Variants in PTPN2 observed in about 807,000 individuals in gnomAD.
PTPN2 encodes protein tyrosine phosphatase non-receptor type 2.
Under a neutral mutation model 57.3 loss-of-function variants are expected in PTPN2, and 19 were observed. The ratio of observed to expected loss-of-function variants is 0.33; its 90% CI spans 0.23 to 0.49. The LOEUF (loss-of-function observed/expected upper bound fraction) is 0.49. Ranked by LOEUF, PTPN2 falls within the 20% of genes least tolerant of loss-of-function variation. The pLI is 0.99. For synonymous variants in PTPN2, 153 were observed against 164.9 expected (o/e 0.93, Z 0.55); for missense variants, 358 against 501.1 (o/e 0.71, Z 2.73).
intron 9 of PTPN2, chr18:12,786,977 T>G (rs1042685962): frequency 1.3e-5 from 2 of 152,250 alleles, no homozygotes; most frequent in Non-Finnish European, 2.9e-5. Context: ...GTACTTTGTA[T>G]TGATTCTGAG....
intron 3 of PTPN2, among the ~76,000 whole-genome samples, chr18:12,834,813 C>T (rs2042796094): frequency 6.6e-6 from 1 of 151,854 alleles, no homozygotes; most frequent in Non-Finnish European, 1.5e-5. Context: ...TGGAGAAGAA[C>T]AGTACAGAGG....
chr18:12,878,648 G>A (rs2044572206), intron 1 of PTPN2, among the ~76,000 whole-genome samples: 1 of 152,132 alleles, frequency 6.6e-6, no homozygotes, highest in South Asian at 2.1e-4. Context: ...CTCCAGCCTG[G>A]GGGACAGAGC....
chr18:12,842,818 GTCAGCAAGTAT>G (rs2043087664), intron 2 of PTPN2, among the ~76,000 whole-genome samples: 1 of 152,166 alleles, frequency 6.6e-6, no homozygotes, highest in African/African-American at 2.4e-5. Context: ...AACAATTTAA[GTCAGCAAGTAT>G]TCAAACATTG....
chr18:12,805,886 C>T (rs2847304), intron 7 of PTPN2, among the ~76,000 whole-genome samples: 1 of 151,830 alleles, frequency 6.6e-6, no homozygotes, highest in African/African-American at 2.4e-5. Context: ...TCTCAGCCCC[C>T]CAAAGTGCTG....
rs530108359 is a variant in PTPN2 at position 12,802,049 on chromosome 18, C to T, written c.961G>A (p.Glu321Lys). ...EKYNGNRIGL[E>K]EEKLTGDRCT... ...CGGTCACCTGTCAGTTTTTCTTCTT[C>T]TAGACCTATTCTGTTCCCATTGTAT... The change falls in exon 8 of 9, where the codon GAA becomes AAA. Residue 321 changes from glutamate to lysine, a missense_variant. Glu to Lys is a moderately conservative substitution (Grantham distance 56). This residue lies in a region of PTPN2 where 7 missense variants were observed against 26.9 expected (regional missense o/e 0.26). Transcript: ENST00000309660. 1.1e-5 allele frequency: 17 copies of T among 1,612,860 alleles called. No individual in the cohort carries two copies. In the South Asian group the frequency reaches 1.8e-4, roughly 17 times the overall value.
intron 3 of PTPN2, 43 bp from the exon 4 acceptor site, chr18:12,831,084 G>C: frequency 1.4e-6 from 2 of 1,389,124 alleles, no homozygotes; most frequent in Non-Finnish European, 2.0e-6. Flanking sequence ...GAAGCAGACA[G>C]AAAGAGCAAG....
At chr18:12,860,098 GC>G (rs1319022983) in intron 1 of PTPN2, among the ~76,000 whole-genome samples, 5 of 152,040 alleles carry the variant, frequency 3.3e-5, no homozygotes, top group Admixed American at 3.3e-4. Flanking sequence ...GACCAACCTG[GC>G]CAACAAAGCG....
chr18:12,874,366 C>T (rs1264652787), intron 1 of PTPN2, among the ~76,000 whole-genome samples: 3 of 141,902 alleles, frequency 2.1e-5, no homozygotes, highest in African/African-American at 5.3e-5. Context: ...TCTGCCCGGC[C>T]GCCCCTACTG....
chr18:12,816,770 G>C (rs964338105), intron 6 of PTPN2, among the ~76,000 whole-genome samples: 1 of 152,166 alleles, frequency 6.6e-6, no homozygotes, highest in Non-Finnish European at 1.5e-5. Context: ...GGAACCCTGT[G>C]AAGTATGTCT....
chr18:12,848,097 C>G (rs1015677430), intron 2 of PTPN2, among the ~76,000 whole-genome samples: 7 of 151,924 alleles, frequency 4.6e-5, no homozygotes, highest in African/African-American at 1.7e-4. Context: ...ATAATAGTTA[C>G]CATAAAATTT....
chr18:12,884,227 GCGGCGCATGCGCGCTGCGCGC>G, exon 1 of PTPN2: 1 of 1,016,194 alleles, frequency 9.8e-7, no homozygotes, highest in Non-Finnish European at 1.3e-6. Flanking sequence ...CGCTGGCGCT[GCGGCGCATGCGCGCTGCGCGC>G]CGCGCCCCGC....
chr18:12,855,657 A>G (rs1485082082), intron 2 of PTPN2, among the ~76,000 whole-genome samples: 1 of 152,138 alleles, frequency 6.6e-6, no homozygotes, highest in African/African-American at 2.4e-5. Flanking sequence ...ACACGGTGGC[A>G]GTGGGGCAGA....
intron 7 of PTPN2, among the ~76,000 whole-genome samples, chr18:12,807,289 G>A (rs916724969): frequency 7.9e-5 from 12 of 151,796 alleles, no homozygotes; most frequent in African/African-American, 2.4e-4. Flanking sequence ...AATAAATGCT[G>A]GCATGAATGT....
chr18:12,802,256 C>G, intron 7 of PTPN2, 105 bp from the exon 8 acceptor site: 2 of 894,710 alleles, frequency 2.2e-6, no homozygotes, highest in East Asian at 5.6e-5. Flanking sequence ...TTAAGAAAAC[C>G]CAATGATGCT....
intron 4 of PTPN2, among the ~76,000 whole-genome samples, chr18:12,828,489 T>C (rs1024885290): frequency 6.6e-6 from 1 of 152,226 alleles, no homozygotes; most frequent in Non-Finnish European, 1.5e-5. Context: ...ATCATGATTA[T>C]GGTTATATAT....
intron 1 of PTPN2, chr18:12,863,562 GGGC>G (rs2043890330): frequency 7.0e-6 from 1 of 143,302 alleles, no homozygotes; most frequent in Non-Finnish European, 1.5e-5. Context: ...GGGGGGGGGG[GGGC>G]AAGTGGGGAC....
intron 7 of PTPN2, among the ~76,000 whole-genome samples, chr18:12,808,288 G>A (rs569731583): frequency 6.6e-6 from 1 of 150,592 alleles, no homozygotes; most frequent in South Asian, 2.1e-4. Context: ...CAAGTACTAT[G>A]AAATATATTA....
At chr18:12,839,952 AAAAC>A (rs1392517313) in intron 2 of PTPN2, among the ~76,000 whole-genome samples, 3 of 152,092 alleles carry the variant, frequency 2.0e-5, no homozygotes, top group African/African-American at 7.2e-5. Context: ...TAAAAAAAAA[AAAAC>A]AACCCACAGC....
intron 1 of PTPN2, among the ~76,000 whole-genome samples, chr18:12,872,751 C>T (rs2044313339): frequency 6.6e-6 from 1 of 152,214 alleles, no homozygotes; most frequent in Non-Finnish European, 1.5e-5. Flanking sequence ...TATCTATGAT[C>T]TTTAAAAGCA....
Sources: allele counts gnomAD v4.1 joint callset (sites outside exome capture counted in the v4.1 genomes callset), GRCh38; gene constraint gnomAD v4.1.1; regional missense constraint gnomAD v4.1.1; transcripts MANE v1.5; gene names NCBI Gene and HGNC (gene_info 2026-07-23, HGNC 2026-07-21).